Variants in ARHGEF1 observed in about 807,000 individuals in gnomAD.
ARHGEF1 encodes the protein 115 kDa guanine nucleotide exchange factor.
In ARHGEF1, 40 loss-of-function variants were observed where a neutral mutation model predicts 119.7. The observed-to-expected ratio is 0.33, with a 90% CI of 0.26 to 0.44. The LOEUF (loss-of-function observed/expected upper bound fraction) is 0.44. ARHGEF1 is among the 20% of genes least tolerant of loss of function. The pLI, the probability that ARHGEF1 is intolerant of heterozygous loss-of-function variation, is 1.00. For missense variants in ARHGEF1, 976 were observed against 1,268.3 expected, an observed-to-expected ratio of 0.77 and a Z score of 3.50; for synonymous variants, 494 against 521.0, an observed-to-expected ratio of 0.95 and a Z score of 0.71.
intron 4 of ARHGEF1, among the ~76,000 whole-genome samples, chr19:41,891,582 C>G (rs1463464800): frequency 6.6e-6 from 1 of 152,234 alleles, no homozygotes; most frequent in Non-Finnish European, 1.5e-5. Context: ...CTGTGCCTAG[C>G]CTAGTTGTGC....
chr19:41,924,589 T>A (rs184407638), intron 1 of ARHGEF1, among the ~76,000 whole-genome samples: 60 of 152,126 alleles, frequency 3.9e-4, no homozygotes, highest in African/African-American at 1.3e-3. Flanking sequence ...GTGGAACAGG[T>A]GGGGCACACA....
Position 41,896,336 on chromosome 19 carries a change from G to A in ARHGEF1, c.1016-41G>A, listed in dbSNP as rs557906235. 93 of 1,130,752 alleles carry A rather than the reference G, an allele frequency of 8.2e-5. 1 individual carries two copies. In the South Asian group the frequency reaches 2.4e-3, roughly 29 times the overall value. The allele number at this position is 1,130,752 out of a possible 1,614,324, so 70.0% of individuals were successfully genotyped here. A position where few individuals can be genotyped will look rare whatever the true frequency, so the allele number is the denominator to read the frequency against. ...CCCCCAGAGTGTGGGTCTCGTGGCCGCAGAGGCCTTCCAGCCAGCCCTGCT... is the reference window on the plus strand; with the variant it reads ...CCCCCAGAGTGTGGGTCTCGTGGCCACAGAGGCCTTCCAGCCAGCCCTGCT... On this transcript the variant is annotated intron_variant, in intron 12 of 28. Transcript: ENST00000354532.
chr19:41,898,847 T>C (rs148199316), intron 14 of ARHGEF1, among the ~76,000 whole-genome samples: 110 of 152,366 alleles, frequency 7.2e-4, no homozygotes, highest in Non-Finnish European at 1.1e-3. Flanking sequence ...GAACACTGCA[T>C]TTCTGGTGCA....
At chr19:41,907,671 C>T (rs1223829515), downstream of ARHGEF1, 9 of 415,134 alleles carry the variant, frequency 2.2e-5, no homozygotes, top group South Asian at 7.0e-5. Context: ...CTCCCACCCC[C>T]GATCCCCCAT....
chr19:41,900,225 T>G (rs1201159827), intron 14 of ARHGEF1, among the ~76,000 whole-genome samples: 3 of 152,024 alleles, frequency 2.0e-5, no homozygotes, highest in Admixed American at 6.6e-5. Flanking sequence ...TCCCAGATAC[T>G]CGAGAGAGTA....
intron 1 of ARHGEF1, among the ~76,000 whole-genome samples, chr19:41,923,709 G>A (rs2074854552): frequency 2.9e-5 from 1 of 34,684 alleles, no homozygotes; most frequent in Non-Finnish European, 5.7e-5. Flanking sequence ...CTGGGAGGGG[G>A]CTGTGCTGGG....
At chr19:41,886,918 G>A (rs369932839) in intron 1 of ARHGEF1, among the ~76,000 whole-genome samples, 16 of 152,176 alleles carry the variant, frequency 1.1e-4, no homozygotes, top group African/African-American at 2.4e-4. Context: ...CACGGGCTCC[G>A]TGGCATTAGT....
In ARHGEF1 at chr19:41,888,871, G is replaced by A. The variant is rs200824499; in HGVS notation, c.225+6G>A. On this transcript the variant is annotated splice_donor_region_variant and intron_variant, in intron 4 of 28. Coordinates refer to ENST00000354532, the MANE Select transcript of ARHGEF1 (RefSeq NM_004706.4). This position sits in a 1 kb window ranked among gnomAD's most constrained non-coding sequence, Gnocchi z 5.1. Reference sequence around the variant, plus strand: ...AGTTTGAGCCAGGACCCCTGGTGAGGGCAGGGCTGGGTGGGCACAGGGAGG... The same window carrying A: ...AGTTTGAGCCAGGACCCCTGGTGAGAGCAGGGCTGGGTGGGCACAGGGAGG... The A allele has an allele frequency of 1.2e-4, 187 of 1,608,126 alleles. No individual in the cohort carries two copies. Among genetic ancestry groups the A allele is most frequent in the Middle Eastern group, 1.7e-4 (1 of 6,038 alleles).
upstream of ARHGEF1, among the ~76,000 whole-genome samples, chr19:41,920,284 C>T (rs151263181): frequency 8.1e-4 from 105 of 130,104 alleles, no homozygotes; most frequent in Non-Finnish European, 1.5e-3. Context: ...GACATGATAA[C>T]GCTCACAGAC....
chr19:41,898,708 C>T (rs983506863), intron 14 of ARHGEF1, 121 bp downstream of exon 14: 12 of 1,294,494 alleles, frequency 9.3e-6, no homozygotes, highest in Middle Eastern at 2.8e-4. Flanking sequence ...AACTTGAAGG[C>T]AGCTTCAAAT....
At chr19:41,907,490 G>T, downstream of ARHGEF1, 5 of 1,350,634 alleles carry the variant, frequency 3.7e-6, no homozygotes, top group South Asian at 7.1e-5. Context: ...GCCTGGCATG[G>T]CGTCTGGAAC....
rs2074812125 is a variant in ARHGEF1 at position 41,917,950 on chromosome 19, G to A, written c.1866-5142G>A. On this transcript the variant is annotated intron_variant, in intron 18 of 20. Transcript: ENST00000599589. This position sits in a 1 kb window ranked among gnomAD's most constrained non-coding sequence, Gnocchi z 4.8. ...TGTGTGTGTGTGTGCTCACACACCTGTCCGTCCAGACTATAGCCACGTCCA... is the reference window on the plus strand; with the variant it reads ...TGTGTGTGTGTGTGCTCACACACCTATCCGTCCAGACTATAGCCACGTCCA... Among the ~76,000 whole-genome samples, 1 of 151,824 alleles carries A rather than the reference G, an allele frequency of 6.6e-6. No homozygotes were observed. The highest frequency in any genetic ancestry group is 2.4e-5 in the African/African-American group (1 of 41,222).
At chr19:41,885,485 G>A (rs2074280076) in intron 1 of ARHGEF1, among the ~76,000 whole-genome samples, 1 of 149,634 alleles carries the variant, frequency 6.7e-6, no homozygotes, top group Non-Finnish European at 1.5e-5. Context: ...TTTTTGAGAC[G>A]AAGTCTCACT....
At chr19:41,900,844 G>A (rs2074592532) in intron 14 of ARHGEF1, 1 of 144,460 alleles carries the variant, frequency 6.9e-6, no homozygotes, top group African/African-American at 2.6e-5. Flanking sequence ...AGGCTAGAGT[G>A]CAGTGGCGTG....
Position 41,927,525 on chromosome 19 carries a change from C to T in ARHGEF1, c.141-1306C>T, listed in dbSNP as rs571456753. Among the ~76,000 whole-genome samples the T allele has an allele frequency of 3.3e-5, 5 of 152,244 alleles. No homozygotes were observed. The South Asian group carries it at 1.0e-3, about 32-fold the overall frequency. On this transcript the variant is annotated intron_variant, in intron 1 of 2. Transcript: ENST00000594417. Reference sequence around the variant, plus strand: ...ATATCCACACCCCCAGTCCTGACTCCCAGCCCCAGTCAGCTCCCAACCTCA... The same window carrying T: ...ATATCCACACCCCCAGTCCTGACTCTCAGCCCCAGTCAGCTCCCAACCTCA...
Position 41,906,269 on chromosome 19 carries a change from C to T in ARHGEF1, c.2492-188C>T. 1.5e-6 allele frequency: 1 copy of T among 675,676 alleles called. No individual in the cohort carries two copies. The allele number at this position is 675,676 out of a possible 1,614,324, so 41.9% of individuals were successfully genotyped here. On this transcript the variant is annotated intron_variant, in intron 26 of 28. Transcript: ENST00000354532. This position sits in a 1 kb window ranked among gnomAD's most constrained non-coding sequence, Gnocchi z 4.5. ...CATCTCTGTCTTCAGTACCTTCCTG[C>T]CCTGTCCCAACCCTAAACCCAGCCT...
chr19:41,928,886 G>A (rs2081098845), exon 2 of ARHGEF1: 1 of 456,140 alleles, frequency 2.2e-6, no homozygotes, highest in Non-Finnish European at 4.4e-6. Flanking sequence ...ATGCGTCCAG[G>A]ACCCCTGCTG....
chr19:41,903,912 T>G lies in ARHGEF1; in HGVS notation c.1918-123T>G. The G allele has an allele frequency of 7.4e-7, 1 of 1,343,620 alleles. No homozygotes were observed. 83.2% of individuals were successfully genotyped at this position (1,343,620 alleles called of 1,614,324 possible). A position where few individuals can be genotyped will look rare whatever the true frequency, so the allele number is the denominator to read the frequency against. ...GGAAGCGAGAGCTCTGTCCCCCACC[T>G]CATGCCAATCCCATGATCCCCAGCC... On this transcript the variant is annotated intron_variant, in intron 20 of 28. Transcript: ENST00000354532. The surrounding 1 kb of genome is among the most constrained non-coding windows in gnomAD (Gnocchi z 4.2).
downstream of ARHGEF1, chr19:41,908,496 G>C (rs2074732170): frequency 8.1e-7 from 1 of 1,231,676 alleles, no homozygotes; most frequent in Non-Finnish European, 1.0e-6. The surrounding 1 kb of genome is among the most constrained non-coding windows in gnomAD (Gnocchi z 6.7). Flanking sequence ...CCCTGCCCCT[G>C]ACGAGGGCAG....
Sources: gnomAD v4.1 joint callset for allele counts (sites outside exome capture counted in the v4.1 genomes callset) on GRCh38, gnomAD v4.1.1 for gene constraint, Gnocchi (gnomAD v3.1) non-coding constraint, MANE v1.5 for transcripts, NCBI Gene and HGNC (gene_info 2026-07-23, HGNC 2026-07-21) for gene names.